The following TNFRSF21 variants were observed in gnomAD, a reference collection of about 807,000 sequenced individuals.
The protein encoded by TNFRSF21 is tumor necrosis factor receptor superfamily member 21.
Under a neutral mutation model 45.6 loss-of-function variants are expected in TNFRSF21, and 19 were observed. The observed-to-expected ratio is 0.42, with a 90% CI of 0.29 to 0.61. The LOEUF (loss-of-function observed/expected upper bound fraction) is 0.61. TNFRSF21 is among the 20% of genes least tolerant of loss of function. The pLI, the probability that TNFRSF21 is intolerant of heterozygous loss-of-function variation, is 0.23. For synonymous variants in TNFRSF21, 314 were observed against 335.5 expected (o/e 0.94, Z 0.70); for missense variants, 737 against 851.5 (o/e 0.87, Z 1.67).
intron 4 of TNFRSF21, among the ~76,000 whole-genome samples, chr6:47,237,037 A>G (rs1764673243): frequency 6.6e-6 from 1 of 152,184 alleles, no homozygotes; most frequent in Non-Finnish European, 1.5e-5. Flanking sequence ...GATTTCCGAC[A>G]TAATTGGAAA....
intron 1 of TNFRSF21, among the ~76,000 whole-genome samples, chr6:47,297,015 G>A (rs563684308): frequency 1.3e-5 from 2 of 152,154 alleles, no homozygotes; most frequent in African/African-American, 2.4e-5. Context: ...AATAACCTGC[G>A]GCTTATGCTT....
intron 1 of TNFRSF21, among the ~76,000 whole-genome samples, chr6:47,294,760 G>A (rs566069737): frequency 2.6e-5 from 4 of 152,000 alleles, no homozygotes; most frequent in African/African-American, 9.7e-5. Flanking sequence ...CAAACTCCTG[G>A]CCTCAAGCAT....
chr6:47,283,978 G>T lies in TNFRSF21; in HGVS notation c.1203C>A (p.Thr401=). Reference sequence around the variant, plus strand: ...AGTAGATCCATTTCTCCCGGTTCTGGGTTGGAGTCATGGATTTCTTCAGCC... The same window carrying T: ...AGTAGATCCATTTCTCCCGGTTCTGTGTTGGAGTCATGGATTTCTTCAGCC... The part of the protein sequence containing the change: ...KAGLKKSMTP[T]QNREKWIYYC... The change falls in exon 3 of 6, where the codon ACC becomes ACA. Residue 401 remains threonine (T), a synonymous_variant. Coordinates refer to ENST00000296861, the MANE Select transcript of TNFRSF21 (RefSeq NM_014452.5). 3 of 1,614,152 alleles carry T rather than the reference G, an allele frequency of 1.9e-6. No individual in the cohort carries two copies. The highest frequency in any genetic ancestry group is 2.7e-5 in the African/African-American group (2 of 75,066).
intron 3 of TNFRSF21, among the ~76,000 whole-genome samples, chr6:47,281,501 C>T (rs904342207): frequency 3.9e-5 from 6 of 152,176 alleles, no homozygotes; most frequent in African/African-American, 9.6e-5. Flanking sequence ...CTGCCCTAGC[C>T]TCCCGAAAAA....
chr6:47,267,882 T>C (rs997031624), intron 3 of TNFRSF21, among the ~76,000 whole-genome samples: 2 of 152,322 alleles, frequency 1.3e-5, no homozygotes, highest in South Asian at 4.1e-4. Context: ...TCTTTCTGAA[T>C]CTTGATTGCT....
rs942397728 is a variant in TNFRSF21 at position 47,232,662 on chromosome 6, C to A, written c.*103G>T. 1 of 789,824 alleles carries A rather than the reference C, an allele frequency of 1.3e-6. No individual in the cohort carries two copies. The highest frequency in any genetic ancestry group is 2.0e-6 in the Non-Finnish European group (1 of 507,586). The allele number at this position is 789,824 out of a possible 1,614,324, so 48.9% of individuals were successfully genotyped here. Reference sequence around the variant, plus strand: ...ACACACACACACACACACACACAAACACACACACACACCCCAAACAACAAA... The same window carrying A: ...ACACACACACACACACACACACAAAAACACACACACACCCCAAACAACAAA... On this transcript the variant is annotated 3_prime_UTR_variant, in exon 6 of 6. Transcript: ENST00000296861.
chr6:47,308,295 C>A (rs1762967561), intron 1 of TNFRSF21, among the ~76,000 whole-genome samples: 1 of 152,188 alleles, frequency 6.6e-6, no homozygotes, highest in Non-Finnish European at 1.5e-5. Flanking sequence ...GCTGGCCAGG[C>A]GTTAAGCCCT....
At chr6:47,245,850 G>A (rs1462560577) in intron 4 of TNFRSF21, among the ~76,000 whole-genome samples, 2 of 152,186 alleles carry the variant, frequency 1.3e-5, no homozygotes, top group Admixed American at 1.3e-4. Context: ...AAGCATGACT[G>A]GGGAGGCTTC....
intron 1 of TNFRSF21, among the ~76,000 whole-genome samples, chr6:47,308,907 C>G (rs1762976799): frequency 6.6e-6 from 1 of 152,210 alleles, no homozygotes; most frequent in Admixed American, 6.5e-5. Flanking sequence ...CCGGAGGTCT[C>G]CGGTGTCCGG....
intron 1 of TNFRSF21, among the ~76,000 whole-genome samples, chr6:47,305,454 G>C (rs1359112597): frequency 1.3e-5 from 2 of 152,124 alleles, no homozygotes; most frequent in Non-Finnish European, 2.9e-5. Context: ...ATATAGGAGA[G>C]AGAAAATCTT....
chr6:47,293,653 C>T (rs980373751), intron 1 of TNFRSF21, among the ~76,000 whole-genome samples: 7 of 152,196 alleles, frequency 4.6e-5, no homozygotes, highest in South Asian at 2.1e-4. Context: ...AGTTTAGCAA[C>T]GAGTACTGAG....
intron 1 of TNFRSF21, among the ~76,000 whole-genome samples, chr6:47,305,735 C>A (rs1442789043): frequency 6.6e-6 from 1 of 152,234 alleles, no homozygotes; most frequent in Non-Finnish European, 1.5e-5. Context: ...GCAAATAGCC[C>A]TCTATCTGGA....
At chr6:47,281,861 G>C (rs992803506) in intron 3 of TNFRSF21, among the ~76,000 whole-genome samples, 4 of 151,700 alleles carry the variant, frequency 2.6e-5, no homozygotes, top group Non-Finnish European at 5.9e-5. Context: ...AAAGAAGGGG[G>C]AATTGAAGCT....
Position 47,253,305 on chromosome 6 carries a change from C to T in TNFRSF21, c.1460G>A (p.Arg487Lys). The change falls in exon 4 of 6, where the codon AGA becomes AAA. Residue 487 changes from arginine to lysine, a missense_variant. Coordinates refer to ENST00000296861, the MANE Select transcript of TNFRSF21 (RefSeq NM_014452.5). The stretch of plus-strand genomic sequence containing the variant: ...ACGAATCTTCTCCACAACATCGTTT[C>T]TCCGGTGCTGGCGCAGGGCGCTAAT... The part of the protein sequence containing the change: ...QLISALRQHR[R>K]NDVVEKIRGL... The T allele has an allele frequency of 6.2e-7, 1 of 1,613,818 alleles. No individual in the cohort carries two copies. Among genetic ancestry groups the T allele is most frequent in the South Asian group, 1.1e-5 (1 of 90,962 alleles).
intron 4 of TNFRSF21, among the ~76,000 whole-genome samples, chr6:47,241,191 A>G (rs1207750492): frequency 1.3e-5 from 2 of 152,136 alleles, no homozygotes; most frequent in Non-Finnish European, 2.9e-5. Flanking sequence ...TTCTTATTCA[A>G]ATCTATGTGG....
chr6:47,234,858 G>A lies in TNFRSF21; in HGVS notation c.1550C>T (p.Pro517Leu), dbSNP rs779037938. The A allele has an allele frequency of 1.4e-6, 2 of 1,445,404 alleles. No homozygotes were observed. The highest frequency in any genetic ancestry group is 1.8e-6 in the Non-Finnish European group (2 of 1,101,902). The allele number at this position is 1,445,404 out of a possible 1,614,324, so 89.5% of individuals were successfully genotyped here. Residue 517 changes from proline to leucine, a missense_variant, in exon 5 of 6, where the codon CCG becomes CTG. Coordinates refer to ENST00000296861, the MANE Select transcript of TNFRSF21 (RefSeq NM_014452.5). ...GCTGGGGATGGGGCTCGGGCTAAGC[G>A]GGCTGGGGCTCATCGGGAGAGCTAG... The part of the protein sequence containing the change: ...DKLALPMSPS[P>L]LSPSPIPSPN...
intron 4 of TNFRSF21, among the ~76,000 whole-genome samples, chr6:47,236,699 T>C (rs1482388453): frequency 6.6e-6 from 1 of 152,232 alleles, no homozygotes; most frequent in Non-Finnish European, 1.5e-5. Context: ...ACGTATATGC[T>C]TGTAAAATGT....
intron 3 of TNFRSF21, among the ~76,000 whole-genome samples, chr6:47,265,881 C>T (rs1762327075): frequency 6.6e-6 from 1 of 152,178 alleles, no homozygotes; most frequent in African/African-American, 2.4e-5. Context: ...TGTCAAAGTG[C>T]TAATGTAACA....
At chr6:47,302,185 G>C (rs949875573) in intron 1 of TNFRSF21, among the ~76,000 whole-genome samples, 1 of 152,164 alleles carries the variant, frequency 6.6e-6, no homozygotes, top group African/African-American at 2.4e-5. Context: ...CTACCAGTCA[G>C]TATGATAAAC....
Sources: allele counts gnomAD v4.1 joint callset (sites outside exome capture counted in the v4.1 genomes callset), GRCh38; gene constraint gnomAD v4.1.1; transcripts MANE v1.5; gene names NCBI Gene and HGNC (gene_info 2026-07-23, HGNC 2026-07-21).